Variants in ROBO2 observed in about 807,000 individuals in gnomAD.
The protein encoded by ROBO2 is roundabout homolog 2.
In ROBO2, 53 loss-of-function variants were observed where a neutral mutation model predicts 160.8. That is an observed-to-expected ratio of 0.33 (90% CI 0.26 to 0.41). ROBO2 has a LOEUF of 0.41. Ranked by LOEUF, ROBO2 falls within the 10% of genes least tolerant of loss-of-function variation. ROBO2 has a pLI of 1.00. For synonymous variants in ROBO2, 664 were observed against 611.7 expected (o/e 1.09, Z -1.26); for missense variants, 1,577 against 1,722.4 (o/e 0.92, Z 1.49).
At position 76,798,292 on chromosome 3, in the gene ROBO2, G is replaced by GAAAGAAA. The variant is rs1553909462; in HGVS notation, c.110-299721_110-299715dup. ...AGAAAGAAAGAAAGAAAGAAAGAAA[G>GAAAGAAA]AAAGAAAGAAAGAAAGAAAGAAAAA... On this transcript the variant is annotated intron_variant, in intron 2 of 26. Coordinates refer to the ROBO2 transcript ENST00000487694. Among the ~76,000 whole-genome samples the GAAAGAAA allele has an allele frequency of 2.3e-3, 349 of 148,784 alleles. 2 individuals are homozygous for GAAAGAAA. The highest frequency in any genetic ancestry group is 8.0e-3 in the African/African-American group (321 of 40,292).
intron 2 of ROBO2, among the ~76,000 whole-genome samples, chr3:77,341,142 A>G (rs991740947): frequency 3.9e-5 from 6 of 152,116 alleles, no homozygotes; most frequent in African/African-American, 1.4e-4. Context: ...TTCATACCAC[A>G]ATTCTATGGC....
At chr3:76,605,386 T>A (rs573058807) in intron 2 of ROBO2, among the ~76,000 whole-genome samples, 22 of 150,364 alleles carry the variant, frequency 1.5e-4, no homozygotes, top group African/African-American at 2.7e-4. Flanking sequence ...AACTGTATTT[T>A]AAAAAAAAAA....
intron 2 of ROBO2, among the ~76,000 whole-genome samples, chr3:76,031,427 C>T (rs2107710219): frequency 6.6e-6 from 1 of 152,294 alleles, no homozygotes; most frequent in Non-Finnish European, 1.5e-5. Context: ...GAGAAGGCAT[C>T]CCTGTCTTGT....
chr3:76,909,251 A>T (rs930435136), intron 2 of ROBO2, among the ~76,000 whole-genome samples: 1 of 152,202 alleles, frequency 6.6e-6, no homozygotes, highest in African/African-American at 2.4e-5. Flanking sequence ...TTGACCTTGT[A>T]TAGTGATCTA....
intron 2 of ROBO2, among the ~76,000 whole-genome samples, chr3:77,297,032 TA>T (rs141540043): frequency 0.036 from 5,449 of 149,524 alleles, 318 homozygotes; most frequent in African/African-American, 0.12. Flanking sequence ...ATGGAGAAAC[TA>T]AAAATTTTTT....
At chr3:76,640,732 A>G (rs2090631416) in intron 2 of ROBO2, among the ~76,000 whole-genome samples, 1 of 152,034 alleles carries the variant, frequency 6.6e-6, no homozygotes, top group Non-Finnish European at 1.5e-5. Context: ...ATTCTTTAAT[A>G]AAAGGAACCA....
At chr3:76,545,906 A>G (rs1307476727) in intron 2 of ROBO2, among the ~76,000 whole-genome samples, 1 of 151,844 alleles carries the variant, frequency 6.6e-6, no homozygotes, top group Non-Finnish European at 1.5e-5. Context: ...TATTACGAAA[A>G]CAGTATATTT....
chr3:76,246,773 C>T (rs1328954234), intron 2 of ROBO2, among the ~76,000 whole-genome samples: 1 of 152,082 alleles, frequency 6.6e-6, no homozygotes, highest in Non-Finnish European at 1.5e-5. Flanking sequence ...TGGGTAAGTT[C>T]TAATGACTGC....
At chr3:76,549,172 C>CT (rs1185115578) in intron 2 of ROBO2, among the ~76,000 whole-genome samples, 3 of 152,104 alleles carry the variant, frequency 2.0e-5, no homozygotes, top group Admixed American at 6.5e-5. Context: ...GCCAAATCAT[C>CT]TATAAACACC....
intron 6 of ROBO2, chr3:77,538,846 G>T (rs769655831): frequency 2.4e-5 from 12 of 492,222 alleles, no homozygotes; most frequent in African/African-American, 1.9e-4. Context: ...GCAAAGAAAC[G>T]ATTTCTCACT....
intron 2 of ROBO2, among the ~76,000 whole-genome samples, chr3:76,679,417 C>G (rs2092499224): frequency 1.3e-5 from 2 of 152,072 alleles, no homozygotes; most frequent in Middle Eastern, 3.4e-3. Context: ...TTACACTGAA[C>G]TTTTTTTATA....
At chr3:76,198,372 A>C (rs1196402710) in intron 2 of ROBO2, among the ~76,000 whole-genome samples, 3 of 152,178 alleles carry the variant, frequency 2.0e-5, no homozygotes, top group Non-Finnish European at 4.4e-5. Context: ...CTTAAGACTG[A>C]CAAAATAGAC....
intron 2 of ROBO2, among the ~76,000 whole-genome samples, chr3:76,061,228 T>G (rs1271577789): frequency 6.6e-6 from 1 of 152,212 alleles, no homozygotes; most frequent in Non-Finnish European, 1.5e-5. Flanking sequence ...CTGGAATTGT[T>G]TTGCTGAATA....
At chr3:77,537,101 G>T (rs554595947) in intron 6 of ROBO2, among the ~76,000 whole-genome samples, 3 of 141,852 alleles carry the variant, frequency 2.1e-5, no homozygotes, top group South Asian at 2.4e-4. Context: ...ATATTTTGTG[G>T]GGGGGGGGTG....
intron 2 of ROBO2, among the ~76,000 whole-genome samples, chr3:76,273,885 G>T (rs1442406093): frequency 1.3e-5 from 2 of 152,140 alleles, no homozygotes; most frequent in Admixed American, 6.6e-5. Flanking sequence ...ATTTCTCATA[G>T]CTCTGGAGGC....
chr3:76,709,553 T>C (rs1157674186), intron 2 of ROBO2, among the ~76,000 whole-genome samples: 1 of 152,166 alleles, frequency 6.6e-6, no homozygotes, highest in African/African-American at 2.4e-5. Context: ...AAGCACGTAT[T>C]ACTTGGACAC....
chr3:75,908,883 A>G (rs1267458102), intron 1 of ROBO2, among the ~76,000 whole-genome samples: 2 of 152,220 alleles, frequency 1.3e-5, no homozygotes, highest in Non-Finnish European at 2.9e-5. Flanking sequence ...TGTGTCTTAT[A>G]ATCAGGATAA....
chr3:76,676,870 G>T (rs1160255923), intron 2 of ROBO2, among the ~76,000 whole-genome samples: 2 of 151,900 alleles, frequency 1.3e-5, no homozygotes, highest in Non-Finnish European at 2.9e-5. Flanking sequence ...ATCATTTGAG[G>T]TTTCTTCTTT....
At chr3:77,617,427 G>A in intron 21 of ROBO2, 86 bp from the exon 23 acceptor site, 2 of 1,459,254 alleles carry the variant, frequency 1.4e-6, no homozygotes, top group African/African-American at 1.4e-5. Context: ...ATACCATGTG[G>A]TTGCTACTTA....
Sources: gnomAD v4.1 joint callset for allele counts (sites outside exome capture counted in the v4.1 genomes callset) on GRCh38, gnomAD v4.1.1 for gene constraint, MANE v1.5 for transcripts, NCBI Gene and HGNC (gene_info 2026-07-23, HGNC 2026-07-21) for gene names.